Variants in ATRN observed in about 807,000 individuals in gnomAD.
ATRN encodes attractin, also known as attractin-2.
Under a neutral mutation model 178.7 loss-of-function variants are expected in ATRN, and 54 were observed. The ratio of observed to expected loss-of-function variants is 0.30; its 90% CI spans 0.24 to 0.38. The LOEUF (loss-of-function observed/expected upper bound fraction) is 0.38, where lower values mean the gene tolerates loss of function less well. Ranked by LOEUF, ATRN falls within the 10% of genes least tolerant of loss-of-function variation. ATRN has a pLI of 1.00. For missense variants in ATRN, 1,443 were observed against 1,815.1 expected (o/e 0.79, Z 3.73); for synonymous variants, 636 against 663.0 (o/e 0.96, Z 0.63).
intron 24 of ATRN, among the ~76,000 whole-genome samples, chr20:3,612,266 TA>T (rs1454720521): frequency 1.3e-5 from 2 of 152,224 alleles, no homozygotes; most frequent in Non-Finnish European, 2.9e-5. Context: ...AAGAAAATCT[TA>T]GAAATTTATA....
intron 1 of ATRN, among the ~76,000 whole-genome samples, chr20:3,514,802 A>G (rs1269583601): frequency 6.6e-6 from 1 of 152,024 alleles, no homozygotes; most frequent in Non-Finnish European, 1.5e-5. Flanking sequence ...TACAAAAATG[A>G]CAAAATTATC....
intron 1 of ATRN, among the ~76,000 whole-genome samples, chr20:3,508,535 C>T (rs1488572315): frequency 6.6e-6 from 1 of 152,122 alleles, no homozygotes; most frequent in Non-Finnish European, 1.5e-5. Flanking sequence ...AGTTCCCTAC[C>T]CTTCTATATC....
intron 1 of ATRN, among the ~76,000 whole-genome samples, chr20:3,500,074 C>T (rs75770386): frequency 0.022 from 3,294 of 152,192 alleles, 124 homozygotes; most frequent in African/African-American, 0.075. Context: ...CCAAAAAACA[C>T]ATGAAAAAAT....
Position 3,512,107 on chromosome 20 carries a change from A to ATATATATATATATATATAT in ATRN, c.411-23145_411-23144insATATATATATATATATATT. Among the ~76,000 whole-genome samples, 53 of 106,336 alleles carry ATATATATATATATATATAT rather than the reference A, an allele frequency of 5.0e-4. 1 individual carries two copies. The highest frequency in any genetic ancestry group is 7.0e-4 in the Non-Finnish European group (39 of 55,790). 69.8% of individuals were successfully genotyped at this position (106,336 alleles called of 152,430 possible). ...CTTTTATATATATATATATATATAT[A>ATATATATATATATATATAT]TTTTTTTTTTTTATTATACTTTAAG... On this transcript the variant is annotated intron_variant, in intron 1 of 28. Transcript: ENST00000262919.
chr20:3,478,065 T>A (rs758097046), intron 1 of ATRN, among the ~76,000 whole-genome samples: 12 of 152,254 alleles, frequency 7.9e-5, no homozygotes, highest in Non-Finnish European at 1.8e-4. Flanking sequence ...TGTTTGTTTT[T>A]TTCTGCTCTC....
chr20:3,567,445 T>C (rs2086052599), intron 11 of ATRN, among the ~76,000 whole-genome samples: 1 of 152,192 alleles, frequency 6.6e-6, no homozygotes, highest in South Asian at 2.1e-4. Flanking sequence ...AATTTAATCA[T>C]GAGTCAAAAT....
chr20:3,626,784 T>TTA (rs1452842998), intron 25 of ATRN, among the ~76,000 whole-genome samples: 17 of 127,134 alleles, frequency 1.3e-4, no homozygotes, highest in Non-Finnish European at 2.6e-4. Context: ...ATTATTTCTT[T>TTA]TTTTTTTTTT....
At position 3,507,586 on chromosome 20, in the gene ATRN, A is replaced by G. The variant is rs773954118; in HGVS notation, c.411-27667A>G. On this transcript the variant is annotated intron_variant, in intron 1 of 28. Coordinates refer to ENST00000262919, the MANE Select transcript of ATRN (RefSeq NM_139321.3). The stretch of plus-strand genomic sequence containing the variant: ...TGTCCTAGAATGTTCACAAAGTGAT[A>G]AGATGCTTAAAGCTGCCAATTCAGG... 7.9e-5 allele frequency among the ~76,000 whole-genome samples: 12 copies of G among 152,160 alleles called. 1 individual carries two copies. Among genetic ancestry groups the G allele is most frequent in the Admixed American group, 6.5e-4 (10 of 15,278 alleles).
intron 1 of ATRN, among the ~76,000 whole-genome samples, chr20:3,507,984 T>G (rs894168683): frequency 6.6e-6 from 1 of 152,012 alleles, no homozygotes; most frequent in African/African-American, 2.4e-5. Context: ...ATTACAGACA[T>G]GAGCCACCGC....
intron 1 of ATRN, among the ~76,000 whole-genome samples, chr20:3,512,699 G>A (rs1484498540): frequency 6.6e-6 from 1 of 152,154 alleles, no homozygotes. Flanking sequence ...TTCCACAATG[G>A]TTGAGCTAGT....
Position 3,491,178 on chromosome 20 carries a change from T to TC in ATRN, c.410+19666dup, listed in dbSNP as rs537570481. ...AAAATCAAAAAAAACCCTTCTTTGATCCCCCGTGTCTTCTCCAAATGTGGC... is the reference window on the plus strand; with the variant it reads ...AAAATCAAAAAAAACCCTTCTTTGATCCCCCCGTGTCTTCTCCAAATGTGGC... On this transcript the variant is annotated intron_variant, in intron 1 of 28. Coordinates refer to ENST00000262919, the MANE Select transcript of ATRN (RefSeq NM_139321.3). Among the ~76,000 whole-genome samples the TC allele has an allele frequency of 1.0e-3, 156 of 152,240 alleles. 2 individuals are homozygous for TC. Among genetic ancestry groups the TC allele is most frequent in the Non-Finnish European group, 1.9e-3 (132 of 68,006 alleles).
Position 3,594,632 on chromosome 20 carries a change from C to T in ATRN, c.3416+60C>T, listed in dbSNP as rs532677245. ...CCAAGAGGCTGTGCAGCTGCCTGAA[C>T]CCCACCCTGAGAGCCACCCACTTCC... On this transcript the variant is annotated intron_variant, in intron 20 of 28. Transcript: ENST00000262919. 2.0e-5 allele frequency: 29 copies of T among 1,427,610 alleles called. No individual in the cohort carries two copies. The South Asian group carries it at 3.8e-4, about 19-fold the overall frequency. 88.4% of individuals were successfully genotyped at this position (1,427,610 alleles called of 1,614,324 possible). A position where few individuals can be genotyped will look rare whatever the true frequency, so the allele number is the denominator to read the frequency against.
intron 11 of ATRN, among the ~76,000 whole-genome samples, chr20:3,572,094 T>C (rs1475353305): frequency 6.6e-6 from 1 of 152,242 alleles, no homozygotes; most frequent in Non-Finnish European, 1.5e-5. Flanking sequence ...ATGCCACTTT[T>C]ACTGTGTACT....
At chr20:3,550,298 A>T (rs533722815) in intron 6 of ATRN, among the ~76,000 whole-genome samples, 7 of 152,142 alleles carry the variant, frequency 4.6e-5, no homozygotes, top group Non-Finnish European at 7.4e-5. Flanking sequence ...GTGAAGCCTT[A>T]TTTCTGGGCT....
intron 3 of ATRN, among the ~76,000 whole-genome samples, chr20:3,540,972 G>GT (rs1199323688): frequency 1.3e-5 from 2 of 151,234 alleles, no homozygotes; most frequent in African/African-American, 4.9e-5. Context: ...TTGTTTGGGT[G>GT]TTTTACTTTT....
chr20:3,634,460 G>A, intron 26 of ATRN, 71 bp downstream of exon 26: 2 of 1,434,478 alleles, frequency 1.4e-6, no homozygotes, highest in Non-Finnish European at 2.0e-6. Flanking sequence ...TCTTAAGCAA[G>A]TGGGTTTTAG....
chr20:3,553,507 G>A (rs557294977), intron 6 of ATRN, among the ~76,000 whole-genome samples: 1 of 152,146 alleles, frequency 6.6e-6, no homozygotes, highest in African/African-American at 2.4e-5. Flanking sequence ...ATGAACTGGG[G>A]TGCCATTGAA....
chr20:3,533,738 G>T (rs986545257), intron 1 of ATRN, among the ~76,000 whole-genome samples: 2 of 151,788 alleles, frequency 1.3e-5, no homozygotes, highest in Non-Finnish European at 2.9e-5. Context: ...TACTATTTAG[G>T]TTTTTCTGAC....
At chr20:3,637,423 A>G (rs1018475650) in intron 26 of ATRN, among the ~76,000 whole-genome samples, 30 of 152,200 alleles carry the variant, frequency 2.0e-4, no homozygotes, top group African/African-American at 6.8e-4. Context: ...TGCTGCATAT[A>G]TTAGTCGAGT....
Sources: allele counts gnomAD v4.1 joint callset (sites outside exome capture counted in the v4.1 genomes callset), GRCh38; gene constraint gnomAD v4.1.1; transcripts MANE v1.5; gene names NCBI Gene and HGNC (gene_info 2026-07-23, HGNC 2026-07-21).